Variants in GRID2 observed in about 807,000 individuals in gnomAD.
GRID2 encodes glutamate receptor ionotropic, delta-2.
Under a neutral mutation model 114.8 loss-of-function variants are expected in GRID2, and 33 were observed. That is an observed-to-expected ratio of 0.29 (90% CI 0.22 to 0.38). The LOEUF (loss-of-function observed/expected upper bound fraction) is 0.38. Among genes scored for constraint, GRID2 ranks in the 10% least tolerant of loss-of-function variants. The probability of loss-of-function intolerance (pLI) is 1.00; values close to 1 mark genes in which losing one functional copy is unlikely to be tolerated. For missense variants in GRID2, 1,184 were observed against 1,257.7 expected, an observed-to-expected ratio of 0.94 and a Z score of 0.89; for synonymous variants, 505 against 449.9, an observed-to-expected ratio of 1.12 and a Z score of -1.55.
chr4:93,234,009 A>G (rs1746467462), intron 7 of GRID2, among the ~76,000 whole-genome samples: 1 of 152,176 alleles, frequency 6.6e-6, no homozygotes, highest in Non-Finnish European at 1.5e-5. Flanking sequence ...TGGAGACATT[A>G]CTTTTTGTTT....
chr4:93,005,421 A>G (rs989621332), intron 2 of GRID2, among the ~76,000 whole-genome samples: 1 of 152,062 alleles, frequency 6.6e-6, no homozygotes, highest in Non-Finnish European at 1.5e-5. Context: ...TATGTCACTT[A>G]GAGTACTGCA....
intron 2 of GRID2, among the ~76,000 whole-genome samples, chr4:92,714,369 G>A (rs893936153): frequency 2.0e-5 from 3 of 152,250 alleles, no homozygotes; most frequent in East Asian, 1.9e-4. Context: ...ACAGGCTGGC[G>A]TTTAGTGACT....
intron 14 of GRID2, among the ~76,000 whole-genome samples, chr4:93,702,042 T>C (rs1357860221): frequency 6.6e-6 from 1 of 152,090 alleles, no homozygotes; most frequent in Non-Finnish European, 1.5e-5. Context: ...TTCCAGAAAA[T>C]AGTTATTCTG....
At chr4:93,288,471 C>T (rs1321354757) in intron 8 of GRID2, among the ~76,000 whole-genome samples, 1 of 152,106 alleles carries the variant, frequency 6.6e-6, no homozygotes, top group African/African-American at 2.4e-5. Context: ...CAGGTGGTCT[C>T]CTGCCTCTGT....
chr4:92,797,927 G>C (rs900188529), intron 2 of GRID2, among the ~76,000 whole-genome samples: 23 of 151,818 alleles, frequency 1.5e-4, no homozygotes, highest in African/African-American at 5.3e-4. Context: ...AGCAATTTAG[G>C]TTGAAAGTAC....
intron 1 of GRID2, among the ~76,000 whole-genome samples, chr4:92,450,628 G>A (rs1461339143): frequency 1.3e-5 from 2 of 151,646 alleles, no homozygotes; most frequent in African/African-American, 2.4e-5. Flanking sequence ...CATAGTTTTA[G>A]CACAATGAGA....
chr4:92,617,854 G>A (rs902382839), intron 2 of GRID2, among the ~76,000 whole-genome samples: 68 of 151,224 alleles, frequency 4.5e-4, no homozygotes, highest in Non-Finnish European at 7.4e-4. Context: ...TTAATTAGAC[G>A]ATTTTGTGTT....
chr4:92,392,596 C>T (rs1466221723), intron 1 of GRID2, among the ~76,000 whole-genome samples: 1 of 151,950 alleles, frequency 6.6e-6, no homozygotes, highest in African/African-American at 2.4e-5. Flanking sequence ...ACATGATAAC[C>T]CTTTAATACT....
At chr4:93,039,430 C>A (rs1057024186) in intron 2 of GRID2, among the ~76,000 whole-genome samples, 2 of 152,032 alleles carry the variant, frequency 1.3e-5, no homozygotes, top group Admixed American at 6.6e-5. Context: ...AACAAACCTG[C>A]ACATTCTGCA....
intron 14 of GRID2, among the ~76,000 whole-genome samples, chr4:93,666,323 C>T (rs947689247): frequency 1.3e-5 from 2 of 151,786 alleles, no homozygotes; most frequent in African/African-American, 2.4e-5. Flanking sequence ...ATGCATAATC[C>T]CTTCCCTAGA....
At chr4:93,759,823 C>G (rs550302083) in intron 14 of GRID2, among the ~76,000 whole-genome samples, 2 of 152,074 alleles carry the variant, frequency 1.3e-5, no homozygotes, top group African/African-American at 4.8e-5. Context: ...CAGTGGAACA[C>G]GTGTTAGCCA....
At chr4:92,377,114 T>A (rs1289491227) in intron 1 of GRID2, among the ~76,000 whole-genome samples, 1 of 152,200 alleles carries the variant, frequency 6.6e-6, no homozygotes, top group Admixed American at 6.5e-5. Flanking sequence ...TATCACATTG[T>A]CAGCCTGCAG....
chr4:92,498,928 T>TAAAAAAAAA (rs11303897), intron 1 of GRID2, among the ~76,000 whole-genome samples: 1 of 137,728 alleles, frequency 7.3e-6, no homozygotes, highest in Non-Finnish European at 1.6e-5. Context: ...CTTATTTAGG[T>TAAAAAAAAA]AAAAAAAAAA....
At chr4:93,071,068 G>A (rs973353459) in intron 2 of GRID2, among the ~76,000 whole-genome samples, 1 of 151,980 alleles carries the variant, frequency 6.6e-6, no homozygotes, top group Non-Finnish European at 1.5e-5. Flanking sequence ...TTTTCAAATA[G>A]TGTGCATAGG....
chr4:93,789,381 G>T (rs879725058), intron 1 of GRID2, among the ~76,000 whole-genome samples: 1 of 152,126 alleles, frequency 6.6e-6, no homozygotes, highest in African/African-American at 2.4e-5. Flanking sequence ...TTACTAATTA[G>T]GTGTTTTTGT....
intron 4 of GRID2, among the ~76,000 whole-genome samples, chr4:93,205,284 C>G (rs1169424499): frequency 1.3e-5 from 2 of 151,804 alleles, no homozygotes; most frequent in Non-Finnish European, 2.9e-5. Context: ...TAAGTTTCAC[C>G]TATAAGTGGA....
intron 6 of GRID2, among the ~76,000 whole-genome samples, chr4:93,223,016 T>C (rs1213058189): frequency 6.6e-6 from 1 of 152,162 alleles, no homozygotes; most frequent in Non-Finnish European, 1.5e-5. Flanking sequence ...TTTCAGGCAG[T>C]AGAACCAGGA....
intron 2 of GRID2, among the ~76,000 whole-genome samples, chr4:92,942,976 G>A (rs376095741): frequency 2.0e-5 from 3 of 152,130 alleles, no homozygotes; most frequent in Admixed American, 6.5e-5. Context: ...TGGGTAACCC[G>A]ACCTTTCTCT....
chr4:92,734,791 T>G (rs1736512336), intron 2 of GRID2, among the ~76,000 whole-genome samples: 1 of 151,440 alleles, frequency 6.6e-6, no homozygotes. Context: ...TCTTTTTTTT[T>G]TTTCTGGAGA....
Sources: allele counts gnomAD v4.1 joint callset (sites outside exome capture counted in the v4.1 genomes callset), GRCh38; gene constraint gnomAD v4.1.1; transcripts MANE v1.5; gene names NCBI Gene and HGNC (gene_info 2026-07-23, HGNC 2026-07-21).